The following MAGI2 variants were observed in gnomAD, a reference collection of about 807,000 sequenced individuals.
MAGI2 encodes the protein membrane associated guanylate kinase, WW and PDZ domain containing 2.
MAGI2 carries 35 observed loss-of-function variants against 133.3 expected under a neutral mutation model. That is an observed-to-expected ratio of 0.26 (90% CI 0.20 to 0.35). MAGI2 has a LOEUF of 0.35. Ranked by LOEUF, MAGI2 falls within the 10% of genes least tolerant of loss-of-function variation. MAGI2 has a pLI of 1.00. For synonymous variants in MAGI2, 729 were observed against 710.6 expected (o/e 1.03, Z -0.41); for missense variants, 1,636 against 1,863.4 (o/e 0.88, Z 2.25).
chr7:79,044,181 C>T (rs997388745), intron 1 of MAGI2, among the ~76,000 whole-genome samples: 77 of 152,112 alleles, frequency 5.1e-4, no homozygotes, highest in Non-Finnish European at 1.0e-4. Context: ...AAAATCCTCA[C>T]TAAAATATTA....
intron 12 of MAGI2, among the ~76,000 whole-genome samples, chr7:78,191,718 T>C (rs758996897): frequency 1.6e-4 from 25 of 152,174 alleles, no homozygotes; most frequent in Non-Finnish European, 2.6e-4. Context: ...TGAGATCTCA[T>C]GAAGATAGGA....
intron 2 of MAGI2, among the ~76,000 whole-genome samples, chr7:79,004,658 A>G (rs192509874): frequency 1.2e-3 from 179 of 152,358 alleles, no homozygotes; most frequent in Non-Finnish European, 2.3e-3. Context: ...GGATACCTCA[A>G]ATACCTTGAC....
rs140961794 is a variant in MAGI2, at chr7:79,394,669, T to C, written c.301+58351A>G. Among the ~76,000 whole-genome samples the C allele has an allele frequency of 2.6e-3, 394 of 152,348 alleles. 3 individuals are homozygous for C. The highest frequency in any genetic ancestry group is 8.8e-3 in the African/African-American group (365 of 41,592). On this transcript the variant is annotated intron_variant, in intron 1 of 21. Transcript: ENST00000354212. Reference sequence around the variant, plus strand: ...TGGCCTTCTTCCTAAGGCTGTGCCATGCTTCTTTTCTTCATTCTACAAACA... The same window carrying C: ...TGGCCTTCTTCCTAAGGCTGTGCCACGCTTCTTTTCTTCATTCTACAAACA...
At chr7:78,653,623 G>C (rs377023500) in intron 2 of MAGI2, among the ~76,000 whole-genome samples, 1 of 152,022 alleles carries the variant, frequency 6.6e-6, no homozygotes, top group East Asian at 1.9e-4. Context: ...ATCACACACT[G>C]GGGCCTGTCA....
At chr7:78,066,943 C>T (rs138196201) in intron 21 of MAGI2, among the ~76,000 whole-genome samples, 139 of 152,306 alleles carry the variant, frequency 9.1e-4, no homozygotes, top group Non-Finnish European at 1.6e-3. Flanking sequence ...TATGTATATA[C>T]GGCTTCAATG....
chr7:79,119,671 G>A (rs1584971870), intron 1 of MAGI2, among the ~76,000 whole-genome samples: 2 of 152,026 alleles, frequency 1.3e-5, no homozygotes, highest in Admixed American at 6.6e-5. Context: ...AGAAGAGCAG[G>A]ACCTTCAATC....
At chr7:78,924,661 T>C (rs937190164) in intron 2 of MAGI2, among the ~76,000 whole-genome samples, 4 of 151,998 alleles carry the variant, frequency 2.6e-5, no homozygotes, top group African/African-American at 9.7e-5. Flanking sequence ...ACTCTCTTTT[T>C]TGGTTGTGTC....
chr7:78,083,609 G>A (rs1185617044), intron 20 of MAGI2, among the ~76,000 whole-genome samples: 1 of 152,156 alleles, frequency 6.6e-6, no homozygotes, highest in East Asian at 1.9e-4. Flanking sequence ...TGGTCCCCTT[G>A]GGGCAACTAA....
At chr7:78,789,065 A>G (rs984069238) in intron 2 of MAGI2, among the ~76,000 whole-genome samples, 9 of 152,072 alleles carry the variant, frequency 5.9e-5, no homozygotes, top group African/African-American at 2.2e-4. Context: ...TTTCCTTACT[A>G]ATACTAATAA....
chr7:78,309,827 C>T (rs1798547998), intron 9 of MAGI2, among the ~76,000 whole-genome samples: 1 of 139,810 alleles, frequency 7.2e-6, no homozygotes, highest in Admixed American at 7.2e-5. Context: ...CTGTGAGGCT[C>T]AGACCTTTCT....
intron 1 of MAGI2, among the ~76,000 whole-genome samples, chr7:79,124,408 G>A (rs925308111): frequency 3.9e-5 from 6 of 152,150 alleles, no homozygotes; most frequent in African/African-American, 1.2e-4. Context: ...TTATACAGGA[G>A]AAAACTAAGG....
chr7:79,355,332 CAAAT>C (rs1478135245), intron 1 of MAGI2, among the ~76,000 whole-genome samples: 13 of 149,018 alleles, frequency 8.7e-5, no homozygotes, highest in African/African-American at 2.5e-4. Flanking sequence ...AACAAACAAA[CAAAT>C]AAACAAACAA....
At chr7:78,697,591 C>T (rs1194122005) in intron 2 of MAGI2, among the ~76,000 whole-genome samples, 1 of 152,062 alleles carries the variant, frequency 6.6e-6, no homozygotes, top group Non-Finnish European at 1.5e-5. Flanking sequence ...TAGTGTCTGA[C>T]ACATAATAGC....
At chr7:78,536,404 G>A (rs1167261647) in intron 3 of MAGI2, among the ~76,000 whole-genome samples, 10 of 151,924 alleles carry the variant, frequency 6.6e-5, no homozygotes, top group East Asian at 5.8e-4. Context: ...GAGCCACCGC[G>A]CCCGGCCGAA....
chr7:79,303,091 T>C (rs974617604), intron 1 of MAGI2, among the ~76,000 whole-genome samples: 4 of 152,196 alleles, frequency 2.6e-5, no homozygotes, highest in African/African-American at 9.6e-5. Flanking sequence ...TAATTTATGA[T>C]TGCCATTTAT....
intron 6 of MAGI2, among the ~76,000 whole-genome samples, chr7:78,443,102 A>G (rs905060170): frequency 4.2e-4 from 8 of 19,068 alleles, no homozygotes; most frequent in African/African-American, 7.7e-4. Flanking sequence ...TCTTGTTGAC[A>G]AATACTCTAT....
chr7:78,710,687 T>G (rs570421026), intron 2 of MAGI2, among the ~76,000 whole-genome samples: 174 of 152,264 alleles, frequency 1.1e-3, no homozygotes, highest in African/African-American at 4.0e-3. Flanking sequence ...TTGCTACTGA[T>G]GGAATGATTA....
chr7:78,939,285 C>A (rs1264349499), intron 2 of MAGI2, among the ~76,000 whole-genome samples: 1 of 152,136 alleles, frequency 6.6e-6, no homozygotes, highest in Non-Finnish European at 1.5e-5. Flanking sequence ...TGAGCCACTG[C>A]GCCTGGCCAT....
In MAGI2 at chr7:78,133,020, C is replaced by G; in HGVS notation, c.3072G>C (p.Gln1024His). 6.3e-7 allele frequency: 1 copy of G among 1,595,796 alleles called. No individual in the cohort carries two copies. The highest frequency in any genetic ancestry group is 8.5e-7 in the Non-Finnish European group (1 of 1,173,044). The change falls in exon 18 of 22, where the codon CAG becomes CAC. Residue 1024 changes from glutamine (Q) to histidine (H), a missense_variant. By Grantham distance (24) the Gln-to-His change is conservative. Around this residue, in one of 5 missense-constraint regions of MAGI2, gnomAD observed 920 missense variants for 1,093.5 expected, o/e 0.84. Coordinates refer to ENST00000354212, the MANE Select transcript of MAGI2 (RefSeq NM_012301.4). ...SPTSAPSSEK[Q>H]SPMAQQSPLA... ...GGGGACTCTGCTGCGCCATGGGACT[C>G]TGCTTCTCTGAGCTGGGTGCCGAGG...
Sources: allele counts gnomAD v4.1 joint callset (sites outside exome capture counted in the v4.1 genomes callset), GRCh38; gene constraint gnomAD v4.1.1; regional missense constraint gnomAD v4.1.1; transcripts MANE v1.5; gene names NCBI Gene and HGNC (gene_info 2026-07-23, HGNC 2026-07-21).